Variants in PIEZO2 observed in about 807,000 individuals in gnomAD.
The protein encoded by PIEZO2 is piezo-type mechanosensitive ion channel component 2.
A neutral mutation model predicts 337.3 loss-of-function variants in PIEZO2; 172 were observed. The observed-to-expected ratio is 0.51, with a 90% CI of 0.45 to 0.58. The LOEUF (loss-of-function observed/expected upper bound fraction) is 0.58. PIEZO2 is among the 20% of genes least tolerant of loss of function. The pLI, the probability that PIEZO2 is intolerant of heterozygous loss-of-function variation, is 0.00. For synonymous variants in PIEZO2, 1,251 were observed against 1,228.5 expected (o/e 1.02, Z -0.38); for missense variants, 3,028 against 3,391.3 (o/e 0.89, Z 2.66).
chr18:11,085,773 A>C (rs1272589682), intron 1 of PIEZO2, among the ~76,000 whole-genome samples: 1 of 150,586 alleles, frequency 6.6e-6, no homozygotes, highest in African/African-American at 2.4e-5. Flanking sequence ...TATAGAAAAA[A>C]AATTTTTTTT....
In PIEZO2 at chr18:10,736,888, G is replaced by A. The variant is rs148611856; in HGVS notation, c.4709-178C>T. Reference sequence around the variant, plus strand: ...AACTCATCTTCGGCTAATGCTACGCGGTGTTGGCATATTGGGTCTACAGAG... The same window carrying A: ...AACTCATCTTCGGCTAATGCTACGCAGTGTTGGCATATTGGGTCTACAGAG... On this transcript the variant is annotated intron_variant, in intron 33 of 55. Coordinates refer to ENST00000674853, the MANE Select transcript of PIEZO2 (RefSeq NM_001378183.1). Among the ~76,000 whole-genome samples, 30 of 152,270 alleles carry A rather than the reference G, an allele frequency of 2.0e-4. No homozygotes were observed. In the East Asian group the frequency reaches 4.6e-3, roughly 23 times the overall value.
At position 10,877,435 on chromosome 18, in the gene PIEZO2, C is replaced by T. The variant is rs988799497; in HGVS notation, c.330-6020G>A. Among the ~76,000 whole-genome samples, 3 of 152,338 alleles carry T rather than the reference C, an allele frequency of 2.0e-5. No homozygotes were observed. Among genetic ancestry groups the T allele is most frequent in the African/African-American group, 7.2e-5 (3 of 41,586 alleles). ...AGAAACATTAGCATATATCCATTTT[C>T]CTACTGGATATCTGTACTTCAGTAT... On this transcript the variant is annotated intron_variant, in intron 4 of 55. Coordinates refer to ENST00000674853, the MANE Select transcript of PIEZO2 (RefSeq NM_001378183.1). The surrounding 1 kb of genome is among the most constrained non-coding windows in gnomAD (Gnocchi z 5.3).
intron 1 of PIEZO2, among the ~76,000 whole-genome samples, chr18:11,071,411 T>G (rs2038334000): frequency 6.6e-6 from 1 of 152,234 alleles, no homozygotes; most frequent in Admixed American, 6.5e-5. Flanking sequence ...GAGCACACAC[T>G]GTGTGATGGG....
At chr18:10,923,469 CTG>C (rs1420243596) in intron 3 of PIEZO2, among the ~76,000 whole-genome samples, 1 of 152,152 alleles carries the variant, frequency 6.6e-6, no homozygotes, top group Non-Finnish European at 1.5e-5. Flanking sequence ...GTGGCTGTGA[CTG>C]TGGTCCGGTG....
At position 10,953,117 on chromosome 18, in the gene PIEZO2, T is replaced by C. The variant is rs977285372; in HGVS notation, c.286+26418A>G. On this transcript the variant is annotated intron_variant, in intron 3 of 55. Transcript: ENST00000674853. This position sits in a 1 kb window ranked among gnomAD's most constrained non-coding sequence, Gnocchi z 5.2. Reference sequence around the variant, plus strand: ...TTTCCTTAGTATTGAGTTTTAAGAGTTCTTCATAAATACTGGATACAAGTC... The same window carrying C: ...TTTCCTTAGTATTGAGTTTTAAGAGCTCTTCATAAATACTGGATACAAGTC... Among the ~76,000 whole-genome samples, 9 of 152,208 alleles carry C rather than the reference T, an allele frequency of 5.9e-5. No homozygotes were observed. The highest frequency in any genetic ancestry group is 8.8e-5 in the Non-Finnish European group (6 of 68,030).
rs2039258426 is a variant in PIEZO2 at position 10,787,309 on chromosome 18, T to C, written c.2170-125A>G. 4.9e-6 allele frequency: 5 copies of C among 1,016,778 alleles called. No individual in the cohort carries two copies. In the Admixed American group the frequency reaches 8.8e-5, roughly 18 times the overall value. The allele number at this position is 1,016,778 out of a possible 1,614,324, so 63.0% of individuals were successfully genotyped here. The stretch of plus-strand genomic sequence containing the variant: ...TACAAGTGTCTGAAAATAAAGTCTA[T>C]TTCATTTCTAGTTTTTAATGTTCCG... On this transcript the variant is annotated intron_variant, in intron 15 of 55. Transcript: ENST00000674853.
intron 3 of PIEZO2, among the ~76,000 whole-genome samples, chr18:10,970,305 C>T (rs2034182604): frequency 2.6e-5 from 4 of 152,052 alleles, no homozygotes; most frequent in Admixed American, 6.6e-5. Flanking sequence ...GAATTGGCAA[C>T]GGGAAGGAGG....
intron 2 of PIEZO2, among the ~76,000 whole-genome samples, chr18:11,045,516 C>T (rs1434402304): frequency 6.6e-6 from 1 of 152,052 alleles, no homozygotes; most frequent in Non-Finnish European, 1.5e-5. Flanking sequence ...ACCGTGAAAT[C>T]ACACACGAAA....
intron 3 of PIEZO2, among the ~76,000 whole-genome samples, chr18:10,941,480 GATCTGAAAATATTCTGAGA>G (rs756044470): frequency 6.6e-6 from 1 of 152,162 alleles, no homozygotes; most frequent in African/African-American, 2.4e-5. Flanking sequence ...CATCCTAAAT[GATCTGAAAATATTCTGAGA>G]ATTCATTTTA....
chr18:11,029,855 A>G (rs1287730283), intron 2 of PIEZO2, among the ~76,000 whole-genome samples: 1 of 151,920 alleles, frequency 6.6e-6, no homozygotes, highest in African/African-American at 2.4e-5. Context: ...AGCCCCCTTA[A>G]TTGTCTTCAC....
Position 10,750,938 on chromosome 18 carries a change from G to T in PIEZO2, c.4168-751C>A, listed in dbSNP as rs958114342. Reference sequence around the variant, plus strand: ...TTCCAGTCCTACACCATCATGTCCTGCTTTTGTTCCTGTTTTCCAGGCTAA... The same window carrying T: ...TTCCAGTCCTACACCATCATGTCCTTCTTTTGTTCCTGTTTTCCAGGCTAA... On this transcript the variant is annotated intron_variant, in intron 28 of 55. Transcript: ENST00000674853. This position sits in a 1 kb window ranked among gnomAD's most constrained non-coding sequence, Gnocchi z 4.1. 1.2e-4 allele frequency among the ~76,000 whole-genome samples: 18 copies of T among 152,094 alleles called. No homozygotes were observed. Among genetic ancestry groups the T allele is most frequent in the Admixed American group, 1.0e-3 (16 of 15,268 alleles).
chr18:10,986,450 T>C (rs2034872178), intron 2 of PIEZO2, among the ~76,000 whole-genome samples: 1 of 152,052 alleles, frequency 6.6e-6, no homozygotes, highest in African/African-American at 2.4e-5. Context: ...TCTATAAATG[T>C]TATACACCAC....
At chr18:10,986,381 T>C (rs999959436) in intron 2 of PIEZO2, among the ~76,000 whole-genome samples, 2 of 152,052 alleles carry the variant, frequency 1.3e-5, no homozygotes, top group African/African-American at 4.8e-5. Flanking sequence ...AAAAGGATTA[T>C]ATACCATAAT....
rs1017400176 is a variant in PIEZO2, at chr18:10,988,257, C to G, written c.161-8597G>C. On this transcript the variant is annotated intron_variant, in intron 2 of 55. Coordinates refer to ENST00000674853, the MANE Select transcript of PIEZO2 (RefSeq NM_001378183.1). This position sits in a 1 kb window ranked among gnomAD's most constrained non-coding sequence, Gnocchi z 4.8. Reference sequence around the variant, plus strand: ...ATTTTGGAAGCAGAAAGACCAGGGTCTCACCAGACACCAAAGCTGAAGGCA... The same window carrying G: ...ATTTTGGAAGCAGAAAGACCAGGGTGTCACCAGACACCAAAGCTGAAGGCA... Among the ~76,000 whole-genome samples, 1 of 152,186 alleles carries G rather than the reference C, an allele frequency of 6.6e-6. No homozygotes were observed. Among genetic ancestry groups the G allele is most frequent in the Non-Finnish European group, 1.5e-5 (1 of 68,032 alleles).
chr18:10,996,540 C>T (rs2035326586), intron 2 of PIEZO2, among the ~76,000 whole-genome samples: 3 of 152,196 alleles, frequency 2.0e-5, no homozygotes, highest in South Asian at 2.1e-4. Flanking sequence ...TGTAAGTCAG[C>T]TTTCTGTCCC....
At chr18:11,063,629 C>T (rs1452514484) in intron 2 of PIEZO2, among the ~76,000 whole-genome samples, 1 of 152,182 alleles carries the variant, frequency 6.6e-6, no homozygotes, top group Non-Finnish European at 1.5e-5. Context: ...AATCCCACTT[C>T]CAGTTCAGGT....
Position 10,681,678 on chromosome 18 carries a change from C to G in PIEZO2, c.7762G>C (p.Ala2588Pro). 1 of 1,601,702 alleles carries G rather than the reference C, an allele frequency of 6.2e-7. No homozygotes were observed. Among genetic ancestry groups the G allele is most frequent in the Middle Eastern group, 1.7e-4 (1 of 6,044 alleles). Reference sequence around the variant, plus strand: ...TTACTTACGGTGTCCCTAGAAAAAGCTTGTATAAATTTGTTAAAGCTCTGC... The same window carrying G: ...TTACTTACGGTGTCCCTAGAAAAAGGTTGTATAAATTTGTTAAAGCTCTGC... ...DQQSFNKFIQ[A>P]FSRDTGAMQF... Residue 2588 changes from alanine to proline, a missense_variant, in exon 51 of 56, where the codon GCT (alanine) becomes CCT (proline). Ala to Pro is a conservative substitution (Grantham distance 27, BLOSUM62 -1). Coordinates refer to ENST00000674853, the MANE Select transcript of PIEZO2 (RefSeq NM_001378183.1).
In PIEZO2 at chr18:10,794,725, T is replaced by C. The variant is rs1022554248; in HGVS notation, c.1758+47A>G. 8.4e-6 allele frequency: 11 copies of C among 1,303,986 alleles called. No individual in the cohort carries two copies. In the Admixed American group the frequency reaches 1.9e-4, roughly 23 times the overall value. The allele number at this position is 1,303,986 out of a possible 1,614,324, so 80.8% of individuals were successfully genotyped here. On this transcript the variant is annotated intron_variant, in intron 13 of 55. Coordinates refer to ENST00000674853, the MANE Select transcript of PIEZO2 (RefSeq NM_001378183.1). The surrounding 1 kb of genome is among the most constrained non-coding windows in gnomAD (Gnocchi z 6.6). ...TCTTGGATACGATTATGATGATGAT[T>C]GTGGTTTTGTGTCATTGTTTTGTTT...
chr18:11,148,196 A>T lies in PIEZO2; in HGVS notation c.64+329T>A, dbSNP rs543775135. 2.6e-5 allele frequency among the ~76,000 whole-genome samples: 4 copies of T among 152,144 alleles called. No individual in the cohort carries two copies. The highest frequency in any genetic ancestry group is 4.4e-5 in the Non-Finnish European group (3 of 68,004). ...GAGCCTGACTGTACCTACGATGGGG[A>T]CGCATCCGCCTTCCAGCCACAGCAA... On this transcript the variant is annotated intron_variant, in intron 1 of 55. Coordinates refer to ENST00000674853, the MANE Select transcript of PIEZO2 (RefSeq NM_001378183.1). The surrounding 1 kb of genome is among the most constrained non-coding windows in gnomAD (Gnocchi z 5.2).
Sources: gnomAD v4.1 joint callset for allele counts (sites outside exome capture counted in the v4.1 genomes callset) on GRCh38, gnomAD v4.1.1 for gene constraint, Gnocchi (gnomAD v3.1) non-coding constraint, MANE v1.5 for transcripts, NCBI Gene and HGNC (gene_info 2026-07-23, HGNC 2026-07-21) for gene names.